Variants in SPATA17 observed in about 807,000 individuals in gnomAD.
SPATA17 encodes spermatogenesis-associated protein 17.
A neutral mutation model predicts 62.2 loss-of-function variants in SPATA17; 53 were observed. The observed-to-expected ratio is 0.85, with a 90% CI of 0.68 to 1.07. The LOEUF (loss-of-function observed/expected upper bound fraction) is 1.07, where lower values mean the gene tolerates loss of function less well. Ranked by LOEUF, SPATA17 falls within the 50% of genes least tolerant of loss-of-function variation. The pLI, the probability that SPATA17 is intolerant of heterozygous loss-of-function variation, is 0.00. For missense variants in SPATA17, 466 were observed against 425.5 expected (o/e 1.10, Z -0.84); for synonymous variants, 146 against 146.8 (o/e 0.99, Z 0.04).
At chr1:217,822,396 C>T (rs1042953537) in intron 9 of SPATA17, among the ~76,000 whole-genome samples, 9 of 151,404 alleles carry the variant, frequency 5.9e-5, no homozygotes, top group Admixed American at 5.3e-4. Context: ...GCTCATATTT[C>T]TGTTCACGAG....
chr1:217,700,649 C>A (rs1472465145), intron 5 of SPATA17, among the ~76,000 whole-genome samples: 1 of 150,522 alleles, frequency 6.6e-6, no homozygotes, highest in African/African-American at 2.4e-5. Flanking sequence ...TGCAATGGTG[C>A]GATCTCTGCT....
intron 3 of SPATA17, among the ~76,000 whole-genome samples, chr1:217,652,887 G>A (rs907652396): frequency 2.6e-5 from 4 of 152,110 alleles, no homozygotes; most frequent in African/African-American, 9.7e-5. Flanking sequence ...TTTAAAATGA[G>A]GATAAGAATG....
intron 9 of SPATA17, among the ~76,000 whole-genome samples, chr1:217,829,718 A>C (rs562113274): frequency 2.6e-5 from 4 of 151,514 alleles, no homozygotes; most frequent in Admixed American, 6.6e-5. Context: ...ATACACATAG[A>C]GCATGAAAGA....
chr1:217,795,877 C>T (rs1224094701), intron 8 of SPATA17, among the ~76,000 whole-genome samples: 1 of 152,024 alleles, frequency 6.6e-6, no homozygotes, highest in Non-Finnish European at 1.5e-5. Flanking sequence ...TGACTCACGG[C>T]AGCTTTGACC....
At chr1:217,728,253 A>G (rs1305316218) in intron 5 of SPATA17, among the ~76,000 whole-genome samples, 3 of 152,192 alleles carry the variant, frequency 2.0e-5, no homozygotes, top group Non-Finnish European at 2.9e-5. Context: ...AATGTCATTC[A>G]AACACATTAA....
At chr1:217,813,178 A>G (rs1674634925) in intron 9 of SPATA17, among the ~76,000 whole-genome samples, 1 of 152,182 alleles carries the variant, frequency 6.6e-6, no homozygotes, top group Non-Finnish European at 1.5e-5. Context: ...CACATCATAG[A>G]TTTAATGTGG....
chr1:217,807,675 A>T (rs1364652776), intron 9 of SPATA17, among the ~76,000 whole-genome samples: 1 of 152,174 alleles, frequency 6.6e-6, no homozygotes, highest in Non-Finnish European at 1.5e-5. Flanking sequence ...TAAGGGCTTC[A>T]GAATTAAGAA....
chr1:217,747,288 G>C (rs1164697385), intron 6 of SPATA17, among the ~76,000 whole-genome samples: 4 of 152,108 alleles, frequency 2.6e-5, no homozygotes, highest in Non-Finnish European at 5.9e-5. Context: ...CTCATTTGCA[G>C]ATTTGTTTTA....
chr1:217,636,444 C>T (rs952743888), intron 1 of SPATA17, among the ~76,000 whole-genome samples: 5 of 151,968 alleles, frequency 3.3e-5, no homozygotes, highest in East Asian at 1.9e-4. Context: ...GAGGGAGTCT[C>T]GCTCTGTTGC....
chr1:217,850,640 C>A, intron 9 of SPATA17: 1 of 1,583,274 alleles, frequency 6.3e-7, no homozygotes. Context: ...GCATTTTGAC[C>A]TGTTAGCAGA....
chr1:217,857,563 T>C (rs1429857307), intron 9 of SPATA17, among the ~76,000 whole-genome samples: 2 of 152,178 alleles, frequency 1.3e-5, no homozygotes, highest in Admixed American at 1.3e-4. Flanking sequence ...CCAACCCCCA[T>C]TTAAAAAGTG....
intron 9 of SPATA17, among the ~76,000 whole-genome samples, chr1:217,846,261 A>G (rs1484253795): frequency 6.6e-6 from 1 of 152,112 alleles, no homozygotes; most frequent in Non-Finnish European, 1.5e-5. Context: ...TATATAAAGT[A>G]TTATGCATTA....
chr1:217,651,883 A>T (rs1457042006), intron 3 of SPATA17, among the ~76,000 whole-genome samples: 1 of 152,184 alleles, frequency 6.6e-6, no homozygotes, highest in African/African-American at 2.4e-5. Flanking sequence ...ATTAAAAGTA[A>T]CCGTCGTACT....
At chr1:217,656,864 A>G (rs1670455751) in intron 3 of SPATA17, among the ~76,000 whole-genome samples, 1 of 152,154 alleles carries the variant, frequency 6.6e-6, no homozygotes, top group African/African-American at 2.4e-5. Context: ...TGTTATTACT[A>G]TTACTGTTAT....
intron 5 of SPATA17, among the ~76,000 whole-genome samples, chr1:217,685,469 T>C (rs1671195644): frequency 6.6e-6 from 1 of 152,236 alleles, no homozygotes. Context: ...AGTGGTATTC[T>C]TTAGTATATT....
At chr1:217,649,907 C>T (rs937554048) in intron 2 of SPATA17, among the ~76,000 whole-genome samples, 10 of 148,544 alleles carry the variant, frequency 6.7e-5, no homozygotes, top group African/African-American at 2.5e-4. Flanking sequence ...GACATGCAAA[C>T]TTAAAGTGTG....
At chr1:217,723,816 C>A (rs1328613312) in intron 5 of SPATA17, among the ~76,000 whole-genome samples, 2 of 152,172 alleles carry the variant, frequency 1.3e-5, no homozygotes, top group Non-Finnish European at 2.9e-5. Flanking sequence ...AGATAACGGG[C>A]TTTTCAAATA....
At chr1:217,811,367 C>T (rs1358222710) in intron 9 of SPATA17, among the ~76,000 whole-genome samples, 1 of 152,136 alleles carries the variant, frequency 6.6e-6, no homozygotes, top group Admixed American at 6.6e-5. Context: ...TCATCAGTCC[C>T]TCCTACTCCA....
chr1:217,698,881 C>T (rs1448511255), intron 5 of SPATA17, among the ~76,000 whole-genome samples: 2 of 152,214 alleles, frequency 1.3e-5, no homozygotes, highest in Non-Finnish European at 2.9e-5. Flanking sequence ...ACTCCCCTCA[C>T]ACCATCCCTA....
Sources: allele counts gnomAD v4.1 joint callset (sites outside exome capture counted in the v4.1 genomes callset), GRCh38; gene constraint gnomAD v4.1.1; transcripts MANE v1.5; gene names NCBI Gene and HGNC (gene_info 2026-07-23, HGNC 2026-07-21).